GRID2: variants seen among roughly 807,000 people sequenced by gnomAD.
GRID2 encodes the protein glutamate receptor ionotropic, delta-2.
GRID2 carries 33 observed loss-of-function variants against 114.8 expected under a neutral mutation model. The ratio of observed to expected loss-of-function variants is 0.29; its 90% confidence interval spans 0.22 to 0.38. The LOEUF (loss-of-function observed/expected upper bound fraction) is 0.38, where lower values mean the gene tolerates loss of function less well. Ranked by LOEUF, GRID2 falls within the 10% of genes least tolerant of loss-of-function variation. The pLI is 1.00. For synonymous variants in GRID2, 505 were observed against 449.9 expected (o/e 1.12, Z -1.55); for missense variants, 1,184 against 1,257.7 (o/e 0.94, Z 0.89).
At chr4:93,343,244 A>C (rs1250877422) in intron 8 of GRID2, among the ~76,000 whole-genome samples, 1 of 151,978 alleles carries the variant, frequency 6.6e-6, no homozygotes, top group East Asian at 1.9e-4. Flanking sequence ...AAGAAATAAT[A>C]TAATTGGCTA....
In GRID2 at chr4:92,858,589, A is replaced by G. The variant is rs146698385; in HGVS notation, c.245-226406A>G. 5.9e-3 allele frequency among the ~76,000 whole-genome samples: 903 copies of G among 152,206 alleles called. 16 individuals are homozygous for G. The highest frequency in any genetic ancestry group is 0.021 in the African/African-American group (857 of 41,536). On this transcript the variant is annotated intron_variant, in intron 2 of 15. Coordinates refer to ENST00000282020, the MANE Select transcript of GRID2 (RefSeq NM_001510.4). ...TTTCTTTCTTTTGAGACGGAGTCTC[A>G]CACTTTCGCCCAGGCTGGAGTGCAG...
chr4:92,754,382 A>G (rs1737608533), intron 2 of GRID2, among the ~76,000 whole-genome samples: 1 of 152,150 alleles, frequency 6.6e-6, no homozygotes, highest in African/African-American at 2.4e-5. Context: ...GTAGTAGGAG[A>G]TAGACGATCC....
chr4:92,712,517 G>A (rs943303109), intron 2 of GRID2, among the ~76,000 whole-genome samples: 4 of 151,960 alleles, frequency 2.6e-5, no homozygotes, highest in African/African-American at 4.8e-5. Context: ...TAATTATAGC[G>A]AAATTCCAGT....
At chr4:93,331,126 A>ACCGC (rs773766493) in intron 8 of GRID2, among the ~76,000 whole-genome samples, 1 of 123,550 alleles carries the variant, frequency 8.1e-6, no homozygotes, top group African/African-American at 3.0e-5. Context: ...CTGCTATCTA[A>ACCGC]CCCCCCCCCC....
intron 2 of GRID2, among the ~76,000 whole-genome samples, chr4:92,605,154 T>C (rs1353901267): frequency 6.6e-6 from 1 of 152,074 alleles, no homozygotes; most frequent in East Asian, 1.9e-4. Flanking sequence ...CTTTATAAAT[T>C]ACCTGGTCTC....
At chr4:92,589,640 T>A (rs1410245487) in intron 1 of GRID2, among the ~76,000 whole-genome samples, 2 of 152,078 alleles carry the variant, frequency 1.3e-5, no homozygotes, top group Non-Finnish European at 2.9e-5. Context: ...TAAAAGATAA[T>A]GAAACCCGTG....
At chr4:93,033,992 T>G (rs1039984399) in intron 2 of GRID2, among the ~76,000 whole-genome samples, 4 of 152,164 alleles carry the variant, frequency 2.6e-5, no homozygotes, top group Admixed American at 6.6e-5. Flanking sequence ...TGAAAAAATA[T>G]ACATCCAAGA....
intron 4 of GRID2, among the ~76,000 whole-genome samples, chr4:93,141,745 A>G (rs1384855075): frequency 2.6e-5 from 4 of 152,210 alleles, no homozygotes; most frequent in African/African-American, 9.6e-5. Context: ...TTAGCTTTGG[A>G]ACATGGCTTG....
chr4:93,047,287 T>G (rs1178631397), intron 2 of GRID2, among the ~76,000 whole-genome samples: 9 of 151,974 alleles, frequency 5.9e-5, no homozygotes, highest in Admixed American at 2.6e-4. Flanking sequence ...AAAAAGACAT[T>G]AAGTAAAAGC....
chr4:93,253,934 A>C (rs1433132582), intron 8 of GRID2, among the ~76,000 whole-genome samples: 2 of 152,088 alleles, frequency 1.3e-5, no homozygotes, highest in African/African-American at 4.8e-5. Context: ...TGAAGCTACA[A>C]ATATTTTGAG....
intron 2 of GRID2, among the ~76,000 whole-genome samples, chr4:92,725,286 A>G (rs1356593496): frequency 6.6e-6 from 1 of 152,154 alleles, no homozygotes; most frequent in Non-Finnish European, 1.5e-5. Context: ...CCTTGGTGAC[A>G]GAGCAACACT....
chr4:92,852,647 C>G (rs1355766355), intron 2 of GRID2, among the ~76,000 whole-genome samples: 1 of 151,862 alleles, frequency 6.6e-6, no homozygotes, highest in East Asian at 1.9e-4. Context: ...CTCTCCCAGG[C>G]CACAGATTCC....
At chr4:92,455,588 G>C (rs1721173194) in intron 1 of GRID2, among the ~76,000 whole-genome samples, 1 of 152,116 alleles carries the variant, frequency 6.6e-6, no homozygotes, top group Non-Finnish European at 1.5e-5. Context: ...TGGTGAGCAG[G>C]AATAGAAACA....
At chr4:92,525,736 G>T (rs2149144183) in intron 1 of GRID2, among the ~76,000 whole-genome samples, 1 of 152,200 alleles carries the variant, frequency 6.6e-6, no homozygotes, top group East Asian at 1.9e-4. Flanking sequence ...GCACAAAAAT[G>T]ATGACACGGC....
chr4:93,688,067 A>C (rs1726229567), intron 14 of GRID2, among the ~76,000 whole-genome samples: 1 of 151,912 alleles, frequency 6.6e-6, no homozygotes, highest in Non-Finnish European at 1.5e-5. Context: ...CAGGAAGATA[A>C]AGTAGTTCAC....
chr4:93,230,621 A>T (rs555432923), intron 7 of GRID2, among the ~76,000 whole-genome samples: 6 of 152,242 alleles, frequency 3.9e-5, no homozygotes, highest in South Asian at 2.1e-4. Flanking sequence ...AGAAAAATTA[A>T]ATGATGTACT....
chr4:93,807,931 T>C (rs185350484), exon 2 of GRID2: 1 of 152,102 alleles, frequency 6.6e-6, no homozygotes, highest in East Asian at 1.9e-4. Flanking sequence ...TAGAACAGGC[T>C]AACAATGGCC....
chr4:93,189,430 G>A (rs1035115932), intron 4 of GRID2, among the ~76,000 whole-genome samples: 6 of 151,936 alleles, frequency 3.9e-5, no homozygotes, highest in African/African-American at 1.2e-4. Flanking sequence ...TACTCATGAC[G>A]GTTATGCTCA....
chr4:92,913,159 GA>G (rs889179024), intron 2 of GRID2, among the ~76,000 whole-genome samples: 2 of 151,764 alleles, frequency 1.3e-5, no homozygotes, highest in Non-Finnish European at 3.0e-5. Context: ...GAGTATGTAT[GA>G]AAAAATGTTT....
Sources: allele counts gnomAD v4.1 joint callset (sites outside exome capture counted in the v4.1 genomes callset), GRCh38; gene constraint gnomAD v4.1.1; transcripts MANE v1.5; gene names NCBI Gene and HGNC (gene_info 2026-07-23, HGNC 2026-07-21).